MAPK14: variants seen among roughly 807,000 people sequenced by gnomAD.
MAPK14 encodes mitogen-activated protein kinase 14, also known as CSAID-binding protein.
In MAPK14, 16 loss-of-function variants were observed where a neutral mutation model predicts 49.6. The ratio of observed to expected loss-of-function variants is 0.32; its 90% CI spans 0.22 to 0.49. The LOEUF (loss-of-function observed/expected upper bound fraction) is 0.49. Among genes scored for constraint, MAPK14 ranks in the 20% least tolerant of loss-of-function variants. The probability of loss-of-function intolerance (pLI) is 0.99; values close to 1 mark genes in which losing one functional copy is unlikely to be tolerated. For missense variants in MAPK14, 200 were observed against 441.2 expected (o/e 0.45, Z 4.90); for synonymous variants, 142 against 158.0 (o/e 0.90, Z 0.76).
At chr6:36,079,107 A>C (rs1764643744) in intron 8 of MAPK14, among the ~76,000 whole-genome samples, 1 of 152,224 alleles carries the variant, frequency 6.6e-6, no homozygotes, top group African/African-American at 2.4e-5. Flanking sequence ...AGTAATCTCT[A>C]TTCATTTTTT....
At chr6:36,029,890 A>G (rs1762469883) in intron 1 of MAPK14, among the ~76,000 whole-genome samples, 1 of 116,568 alleles carries the variant, frequency 8.6e-6, no homozygotes, top group African/African-American at 4.0e-5. Context: ...GTATATACAT[A>G]TTATATAGGT....
At chr6:36,101,963 A>T (rs919645759) in intron 9 of MAPK14, among the ~76,000 whole-genome samples, 2 of 152,254 alleles carry the variant, frequency 1.3e-5, no homozygotes, top group Non-Finnish European at 2.9e-5. Flanking sequence ...GGGATAGCAG[A>T]TAATGTTTCT....
intron 1 of MAPK14, chr6:36,029,050 C>T (rs1445356258): frequency 1.3e-5 from 2 of 151,916 alleles, no homozygotes; most frequent in Non-Finnish European, 2.9e-5. Flanking sequence ...TAGTCACATA[C>T]CACTGCTCAT....
intron 6 of MAPK14, among the ~76,000 whole-genome samples, chr6:36,074,455 A>G (rs559595776): frequency 7.9e-5 from 12 of 152,354 alleles, no homozygotes; most frequent in African/African-American, 2.9e-4. Flanking sequence ...ATTCAAATAA[A>G]AAATAAGTGA....
chr6:36,080,609 G>C lies in MAPK14; in HGVS notation c.682+4001G>C, dbSNP rs1444437093. Among the ~76,000 whole-genome samples the C allele has an allele frequency of 2.6e-5, 4 of 152,114 alleles. No individual in the cohort carries two copies. In the East Asian group the frequency reaches 7.7e-4, roughly 29 times the overall value. On this transcript the variant is annotated intron_variant, in intron 8 of 11. Coordinates refer to ENST00000229794, the MANE Select transcript of MAPK14 (RefSeq NM_139012.3). ...CCTGTTCATCTGTTAGTAGACAGTT[G>C]AGTTGTTTTTACCTTTGGCTATTGT...
At chr6:36,036,085 AT>A (rs1207661998) in intron 1 of MAPK14, among the ~76,000 whole-genome samples, 2 of 152,080 alleles carry the variant, frequency 1.3e-5, no homozygotes, top group Non-Finnish European at 2.9e-5. Flanking sequence ...TTTGTTTTTT[AT>A]ATTTTTTGGT....
chr6:36,049,989 T>C (rs938211804), intron 1 of MAPK14, among the ~76,000 whole-genome samples: 1 of 152,120 alleles, frequency 6.6e-6, no homozygotes, highest in African/African-American at 2.4e-5. Flanking sequence ...AGAGGGTGAA[T>C]TGGAGATTTG....
intron 3 of MAPK14, among the ~76,000 whole-genome samples, chr6:36,071,202 G>A (rs995730631): frequency 6.6e-6 from 1 of 151,790 alleles, no homozygotes; most frequent in African/African-American, 2.4e-5. Context: ...GCATGGTGGC[G>A]AGTACCTGTA....
chr6:36,072,994 A>G lies in MAPK14; in HGVS notation c.417+10A>G. The G allele has an allele frequency of 6.7e-7, 1 of 1,497,144 alleles. No homozygotes were observed. The highest frequency in any genetic ancestry group is 9.3e-7 in the Non-Finnish European group (1 of 1,074,524). The allele number at this position is 1,497,144 out of a possible 1,614,324, so 92.7% of individuals were successfully genotyped here. ...TCTCCGAGGTCTAAAGGTACAGATA[A>G]TACAAGTAATAATTTTTTAAAATGA... On this transcript the variant is annotated intron_variant, in intron 4 of 11. Transcript: ENST00000229794.
intron 8 of MAPK14, among the ~76,000 whole-genome samples, chr6:36,088,693 G>A (rs988380960): frequency 6.6e-6 from 1 of 150,492 alleles, no homozygotes; most frequent in Non-Finnish European, 1.5e-5. Flanking sequence ...CTGCACTCCA[G>A]CCTGGGCGAC....
intron 1 of MAPK14, among the ~76,000 whole-genome samples, chr6:36,029,979 A>T (rs536227274): frequency 2.9e-5 from 4 of 138,586 alleles, no homozygotes; most frequent in Admixed American, 1.6e-4. Context: ...TTGATTTGCT[A>T]ATTTTCAAAG....
At chr6:36,101,071 C>T (rs1013951823) in intron 9 of MAPK14, among the ~76,000 whole-genome samples, 6 of 152,298 alleles carry the variant, frequency 3.9e-5, no homozygotes, top group Admixed American at 6.5e-5. Flanking sequence ...ATTCCTAAAA[C>T]TTTCTTTTCA....
chr6:36,064,329 G>T (rs75099724), intron 3 of MAPK14, among the ~76,000 whole-genome samples: 2,379 of 138,704 alleles, frequency 0.017, 55 homozygotes, highest in African/African-American at 0.059. Context: ...TAGTAGACAA[G>T]AATTTTTTGA....
chr6:36,069,423 A>C (rs1457236566), intron 3 of MAPK14, among the ~76,000 whole-genome samples: 1 of 152,206 alleles, frequency 6.6e-6, no homozygotes, highest in African/African-American at 2.4e-5. Context: ...ATTGGTGGTC[A>C]TGGATTGGTC....
intron 1 of MAPK14, among the ~76,000 whole-genome samples, chr6:36,040,596 G>T (rs1233031126): frequency 6.6e-6 from 1 of 152,192 alleles, no homozygotes; most frequent in African/African-American, 2.4e-5. Flanking sequence ...AAGCATGTTT[G>T]CAAGAGGCCA....
At chr6:36,106,686 A>G (rs1292688871) in intron 10 of MAPK14, among the ~76,000 whole-genome samples, 2 of 152,172 alleles carry the variant, frequency 1.3e-5, no homozygotes, top group African/African-American at 4.8e-5. Flanking sequence ...TAAAAATGTT[A>G]ATTGTTGAAT....
intron 10 of MAPK14, among the ~76,000 whole-genome samples, chr6:36,103,566 G>A (rs1765707291): frequency 1.3e-5 from 2 of 152,034 alleles, no homozygotes; most frequent in African/African-American, 2.4e-5. Context: ...GTGGACTCCT[G>A]GACTCATGCA....
At chr6:36,037,708 G>A (rs1762805641) in intron 1 of MAPK14, among the ~76,000 whole-genome samples, 1 of 152,148 alleles carries the variant, frequency 6.6e-6, no homozygotes, top group Non-Finnish European at 1.5e-5. Flanking sequence ...CTGGCCAGGT[G>A]CAGTGAGTGG....
chr6:36,084,477 A>T (rs1460505464), intron 8 of MAPK14, among the ~76,000 whole-genome samples: 2 of 152,230 alleles, frequency 1.3e-5, no homozygotes, highest in Admixed American at 6.5e-5. Context: ...GCTGTTAACC[A>T]GAATAACCAG....
Sources: allele counts gnomAD v4.1 joint callset (sites outside exome capture counted in the v4.1 genomes callset), GRCh38; gene constraint gnomAD v4.1.1; transcripts MANE v1.5; gene names NCBI Gene and HGNC (gene_info 2026-07-23, HGNC 2026-07-21).